NOL4: variants seen among roughly 807,000 people sequenced by gnomAD.
The protein encoded by NOL4 is cancer/testis antigen 125.
A neutral mutation model predicts 75.9 loss-of-function variants in NOL4; 17 were observed. The ratio of observed to expected loss-of-function variants is 0.22; its 90% CI spans 0.15 to 0.34. The LOEUF is 0.34. Ranked by LOEUF, NOL4 falls within the 10% of genes least tolerant of loss-of-function variation. The probability of loss-of-function intolerance (pLI) is 1.00; values close to 1 mark genes in which losing one functional copy is unlikely to be tolerated. For synonymous variants in NOL4, 292 were observed against 289.9 expected, an observed-to-expected ratio of 1.01 and a Z score of -0.07; for missense variants, 614 against 793.5, an observed-to-expected ratio of 0.77 and a Z score of 2.72.
intron 1 of NOL4, among the ~76,000 whole-genome samples, chr18:34,163,202 A>AC: frequency 6.6e-6 from 1 of 152,290 alleles, no homozygotes; most frequent in African/African-American, 2.4e-5. Flanking sequence ...GCCCTCTCTC[A>AC]CCACTCCTAT....
intron 5 of NOL4, among the ~76,000 whole-genome samples, chr18:34,045,341 T>C (rs1343158663): frequency 6.6e-6 from 1 of 152,318 alleles, no homozygotes; most frequent in East Asian, 1.9e-4. Context: ...TAGTTTAGGC[T>C]CTTAGTCCTA....
At chr18:33,999,209 A>T (rs2073518642) in intron 6 of NOL4, among the ~76,000 whole-genome samples, 1 of 148,054 alleles carries the variant, frequency 6.8e-6, no homozygotes, top group Non-Finnish European at 1.5e-5. Context: ...GCACAATCAT[A>T]GTTTATTGGC....
intron 9 of NOL4, among the ~76,000 whole-genome samples, chr18:33,908,365 G>T (rs1467596947): frequency 6.6e-6 from 1 of 152,138 alleles, no homozygotes; most frequent in Non-Finnish European, 1.5e-5. Flanking sequence ...ATCATAGATG[G>T]TTTTGAAATT....
intron 1 of NOL4, among the ~76,000 whole-genome samples, chr18:34,163,219 T>C (rs866494254): frequency 6.6e-6 from 1 of 152,090 alleles, no homozygotes; most frequent in African/African-American, 2.4e-5. Flanking sequence ...CTATTCAACA[T>C]AGTGTTGGAA....
At chr18:33,911,431 T>C (rs2066397552) in intron 9 of NOL4, among the ~76,000 whole-genome samples, 1 of 152,100 alleles carries the variant, frequency 6.6e-6, no homozygotes. Context: ...CTTTCTACTT[T>C]ATTTTCTATT....
At chr18:34,146,409 T>C (rs1034966445) in intron 1 of NOL4, among the ~76,000 whole-genome samples, 4 of 152,124 alleles carry the variant, frequency 2.6e-5, no homozygotes, top group African/African-American at 9.7e-5. Flanking sequence ...TTGTATAAGG[T>C]GTAAGGAAGT....
At chr18:34,101,094 T>G (rs928516680) in intron 4 of NOL4, among the ~76,000 whole-genome samples, 1 of 152,230 alleles carries the variant, frequency 6.6e-6, no homozygotes, top group African/African-American at 2.4e-5. Context: ...TTTCACTACC[T>G]AAACCACTGT....
intron 5 of NOL4, chr18:34,048,337 A>T: frequency 1.9e-6 from 1 of 537,948 alleles, no homozygotes; most frequent in Non-Finnish European, 2.4e-6. Flanking sequence ...GGCATTTATC[A>T]GAGTCTACTC....
chr18:33,870,346 G>A (rs2063638148), intron 10 of NOL4, among the ~76,000 whole-genome samples: 13 of 151,960 alleles, frequency 8.6e-5, no homozygotes, highest in Admixed American at 7.9e-4. Flanking sequence ...GGGTGAATAG[G>A]GAGTAGGGAA....
chr18:33,999,042 A>C (rs1458500495), intron 6 of NOL4, among the ~76,000 whole-genome samples: 1 of 152,114 alleles, frequency 6.6e-6, no homozygotes, highest in Non-Finnish European at 1.5e-5. Flanking sequence ...TTTTGAGCTG[A>C]AGAGACCACC....
At chr18:34,100,248 T>A (rs1459955447) in intron 4 of NOL4, among the ~76,000 whole-genome samples, 1 of 152,166 alleles carries the variant, frequency 6.6e-6, no homozygotes, top group African/African-American at 2.4e-5. Flanking sequence ...TTCTAAATCA[T>A]TATTTTCCTC....
At chr18:33,856,162 C>T (rs188578206) in intron 10 of NOL4, among the ~76,000 whole-genome samples, 1 of 152,096 alleles carries the variant, frequency 6.6e-6, no homozygotes, top group East Asian at 1.9e-4. Context: ...TAATCAGTGA[C>T]TGATGGATGT....
chr18:33,879,414 G>C (rs1167495906), intron 10 of NOL4, among the ~76,000 whole-genome samples: 1 of 152,050 alleles, frequency 6.6e-6, no homozygotes, highest in Non-Finnish European at 1.5e-5. Flanking sequence ...GCTTACACCT[G>C]TAAACCCAGA....
At chr18:34,082,649 G>A (rs1352590465) in intron 5 of NOL4, among the ~76,000 whole-genome samples, 1 of 152,096 alleles carries the variant, frequency 6.6e-6, no homozygotes, top group Admixed American at 6.6e-5. Context: ...GAGTAGGCAT[G>A]TCCTCACAGA....
chr18:34,139,005 C>T (rs558953607), intron 1 of NOL4, among the ~76,000 whole-genome samples: 2 of 152,258 alleles, frequency 1.3e-5, no homozygotes, highest in African/African-American at 4.8e-5. Context: ...GTTGAAGCAG[C>T]CTTGCATCCC....
At chr18:34,079,812 T>C (rs2077919726) in intron 5 of NOL4, among the ~76,000 whole-genome samples, 1 of 152,230 alleles carries the variant, frequency 6.6e-6, no homozygotes, top group Non-Finnish European at 1.5e-5. Flanking sequence ...GTTTTTAGAA[T>C]TCTGTTCTTT....
intron 2 of NOL4, among the ~76,000 whole-genome samples, chr18:34,113,891 A>C (rs1237581728): frequency 6.6e-6 from 1 of 152,146 alleles, no homozygotes; most frequent in Non-Finnish European, 1.5e-5. Context: ...GCTGGGAATT[A>C]ATGTTTGAAA....
chr18:34,030,347 G>A (rs546716044), intron 5 of NOL4, among the ~76,000 whole-genome samples: 2 of 152,234 alleles, frequency 1.3e-5, no homozygotes, highest in East Asian at 3.9e-4. Flanking sequence ...TCTTCTGGGG[G>A]TATGGAGAGG....
intron 6 of NOL4, among the ~76,000 whole-genome samples, chr18:34,009,063 G>T (rs980136577): frequency 2.6e-5 from 4 of 151,370 alleles, no homozygotes; most frequent in Non-Finnish European, 4.4e-5. Flanking sequence ...GTTCAGAAAA[G>T]ATTTTTTTTT....
Sources: allele counts gnomAD v4.1 joint callset (sites outside exome capture counted in the v4.1 genomes callset), GRCh38; gene constraint gnomAD v4.1.1; transcripts MANE v1.5; gene names NCBI Gene and HGNC (gene_info 2026-07-23, HGNC 2026-07-21).